ATRNL1: variants seen among roughly 807,000 people sequenced by gnomAD.
The protein encoded by ATRNL1 is attractin-like protein 1.
ATRNL1 carries 95 observed loss-of-function variants against 182.7 expected under a neutral mutation model. The ratio of observed to expected loss-of-function variants is 0.52; its 90% confidence interval spans 0.44 to 0.62. The LOEUF (loss-of-function observed/expected upper bound fraction) is 0.62. Ranked by LOEUF, ATRNL1 falls within the 20% of genes least tolerant of loss-of-function variation. The pLI, the probability that ATRNL1 is intolerant of heterozygous loss-of-function variation, is 0.00. For synonymous variants in ATRNL1, 576 were observed against 568.3 expected (o/e 1.01, Z -0.19); for missense variants, 1,471 against 1,679.5 (o/e 0.88, Z 2.17).
intron 5 of ATRNL1, among the ~76,000 whole-genome samples, chr10:115,154,999 A>T (rs1464023725): frequency 1.3e-5 from 2 of 152,122 alleles, no homozygotes; most frequent in Non-Finnish European, 1.5e-5. Flanking sequence ...ATGGCTACAT[A>T]TTTGTTTAGA....
At chr10:115,665,956 T>G (rs1860974190) in intron 26 of ATRNL1, among the ~76,000 whole-genome samples, 1 of 152,182 alleles carries the variant, frequency 6.6e-6, no homozygotes, top group Non-Finnish European at 1.5e-5. Context: ...TCTTCTCTTT[T>G]GCAGTTTTGG....
At chr10:115,140,212 A>G (rs554813331) in intron 5 of ATRNL1, among the ~76,000 whole-genome samples, 2 of 152,334 alleles carry the variant, frequency 1.3e-5, no homozygotes, top group South Asian at 4.1e-4. Context: ...GCCTAGAGAT[A>G]TGAAATAGGG....
At position 115,559,459 on chromosome 10, in the gene ATRNL1, CGCACAT is replaced by C. The variant is rs1565165238; in HGVS notation, c.3795+9926_3795+9931del. Among the ~76,000 whole-genome samples, 40 of 148,324 alleles carry C rather than the reference CGCACAT, an allele frequency of 2.7e-4. 1 individual carries two copies. Among genetic ancestry groups the C allele is most frequent in the African/African-American group, 9.1e-4 (36 of 39,580 alleles). On this transcript the variant is annotated intron_variant, in intron 26 of 28. Transcript: ENST00000355044. ...GTGTGTGTGTGCGCGCGCGCACGCACGCACATGCGCAACCCTTCTTACGTTTTGGTA... is the reference window on the plus strand; with the variant it reads ...GTGTGTGTGTGCGCGCGCGCACGCACGCGCAACCCTTCTTACGTTTTGGTA...
At chr10:115,129,576 A>G (rs1845132231) in intron 5 of ATRNL1, 41 bp downstream of exon 5, 1 of 1,514,362 alleles carries the variant, frequency 6.6e-7, no homozygotes, top group Admixed American at 1.7e-5. Context: ...ACATTGATTC[A>G]TATATGTAAT....
At chr10:115,849,229 T>C (rs1950998513) in intron 28 of ATRNL1, among the ~76,000 whole-genome samples, 1 of 152,202 alleles carries the variant, frequency 6.6e-6, no homozygotes, top group Non-Finnish European at 1.5e-5. Flanking sequence ...TTTTCATACA[T>C]TGAGTGAATG....
At chr10:115,174,532 TAAAAATA>T (rs1847420605) in intron 8 of ATRNL1, among the ~76,000 whole-genome samples, 1 of 151,764 alleles carries the variant, frequency 6.6e-6, no homozygotes, top group African/African-American at 2.4e-5. Context: ...ATAAATAAAT[TAAAAATA>T]AACAGTAAGT....
At chr10:115,164,114 T>A (rs575397217) in intron 6 of ATRNL1, among the ~76,000 whole-genome samples, 1 of 152,268 alleles carries the variant, frequency 6.6e-6, no homozygotes, top group East Asian at 1.9e-4. Context: ...TTGTATATTT[T>A]AGCAAATGGA....
At chr10:115,799,644 T>G (rs1949744626) in intron 27 of ATRNL1, among the ~76,000 whole-genome samples, 1 of 152,190 alleles carries the variant, frequency 6.6e-6, no homozygotes, top group South Asian at 2.1e-4. Flanking sequence ...GGTGCCGAAC[T>G]TCAGCCCAGG....
chr10:115,470,078 A>G (rs1554971819), intron 24 of ATRNL1, among the ~76,000 whole-genome samples: 1 of 150,462 alleles, frequency 6.6e-6, no homozygotes, highest in African/African-American at 2.4e-5. Flanking sequence ...AAAATCTTTT[A>G]AAGATTTTCA....
chr10:115,647,947 T>C (rs911615237), intron 26 of ATRNL1, among the ~76,000 whole-genome samples: 8 of 152,184 alleles, frequency 5.3e-5, no homozygotes, highest in Non-Finnish European at 1.2e-4. Context: ...TTTAAGTCTT[T>C]AATCCATCTT....
chr10:115,778,704 C>T (rs1230421789), intron 27 of ATRNL1, among the ~76,000 whole-genome samples: 2 of 152,124 alleles, frequency 1.3e-5, no homozygotes, highest in African/African-American at 4.8e-5. Flanking sequence ...CTGTTGGCAA[C>T]AGGAAGACAT....
rs1443535808 is a variant in ATRNL1, at chr10:115,521,375, T to C, written c.3716+2051T>C. 2.6e-5 allele frequency among the ~76,000 whole-genome samples: 4 copies of C among 152,098 alleles called. No homozygotes were observed. The South Asian group carries it at 6.2e-4, about 24-fold the overall frequency. ...ACCACATTGGCCAGGGTGGTCTCGA[T>C]CTCCTGACCTCAGATGATCTGCCCA... On this transcript the variant is annotated intron_variant, in intron 25 of 28. Transcript: ENST00000355044.
chr10:115,625,660 G>T (rs1292846399), intron 26 of ATRNL1, among the ~76,000 whole-genome samples: 5 of 152,082 alleles, frequency 3.3e-5, no homozygotes, highest in Admixed American at 6.6e-5. Flanking sequence ...TTCAAAGAAA[G>T]GAAACTTCAC....
At position 115,519,252 on chromosome 10, in the gene ATRNL1, T is replaced by C. The variant is rs1727408448; in HGVS notation, c.3655-11T>C. ...AACATACTTTCAATTTTTTTTATTT[T>C]GATTTTTCAGATTGCATTCTCACAA... On this transcript the variant is annotated splice_polypyrimidine_tract_variant and intron_variant, in intron 24 of 28. Transcript: ENST00000355044. 2 of 1,608,388 alleles carry C rather than the reference T, an allele frequency of 1.2e-6. No individual in the cohort carries two copies. The highest frequency in any genetic ancestry group is 1.7e-6 in the Non-Finnish European group (2 of 1,177,050).
chr10:115,417,804 A>G (rs182834039), intron 20 of ATRNL1, among the ~76,000 whole-genome samples: 224 of 152,206 alleles, frequency 1.5e-3, no homozygotes, highest in Admixed American at 0.012. Context: ...AGCCCTGCCA[A>G]CCTTGGAGCC....
intron 26 of ATRNL1, among the ~76,000 whole-genome samples, chr10:115,708,353 T>C (rs1448241039): frequency 6.6e-6 from 1 of 151,700 alleles, no homozygotes; most frequent in Admixed American, 6.6e-5. Flanking sequence ...TTGTAACTTC[T>C]TTTCCCTGAG....
chr10:115,539,730 C>T (rs1043792513), intron 25 of ATRNL1, among the ~76,000 whole-genome samples: 33 of 152,130 alleles, frequency 2.2e-4, no homozygotes, highest in Admixed American at 4.6e-4. Context: ...AGCAAAATGG[C>T]TCACAGTGGG....
At chr10:115,368,478 C>G (rs150922431) in intron 19 of ATRNL1, among the ~76,000 whole-genome samples, 2 of 152,306 alleles carry the variant, frequency 1.3e-5, no homozygotes, top group South Asian at 4.1e-4. Context: ...AGAAATCACC[C>G]GTCTTCTGCG....
chr10:115,188,106 A>AG (rs1592231419), intron 8 of ATRNL1, among the ~76,000 whole-genome samples: 1 of 151,442 alleles, frequency 6.6e-6, no homozygotes, highest in African/African-American at 2.4e-5. Context: ...AGGAAGGGAG[A>AG]GAGAGAGGGA....
Sources: allele counts gnomAD v4.1 joint callset (sites outside exome capture counted in the v4.1 genomes callset), GRCh38; gene constraint gnomAD v4.1.1; transcripts MANE v1.5; gene names NCBI Gene and HGNC (gene_info 2026-07-23, HGNC 2026-07-21).